Variants in CRACR2B observed in about 807,000 individuals in gnomAD.
CRACR2B encodes the protein EF-hand calcium-binding domain-containing protein 4A.
Under a neutral mutation model 46.0 loss-of-function variants are expected in CRACR2B, and 50 were observed. The observed-to-expected ratio is 1.09, with a 90% CI of 0.87 to 1.38. The LOEUF (loss-of-function observed/expected upper bound fraction) is 1.38, where lower values mean the gene tolerates loss of function less well. Ranked by LOEUF, CRACR2B falls within the 40% of genes most tolerant of loss-of-function variation. The pLI is 0.00. For missense variants in CRACR2B, 667 were observed against 535.0 expected (o/e 1.25, Z -2.43); for synonymous variants, 277 against 239.6 (o/e 1.16, Z -1.44).
In CRACR2B at chr11:828,534, TC is replaced by T. The variant is rs1488252465; in HGVS notation, c.-70del. On this transcript the variant is annotated 5_prime_UTR_variant, in exon 1 of 9. Transcript: ENST00000525077. ...TCAGACACACTTGCACCCCATCCGCTCCCCTCCTGAATTTCTTCTGACCCTC... is the reference window on the plus strand; with the variant it reads ...TCAGACACACTTGCACCCCATCCGCTCCCTCCTGAATTTCTTCTGACCCTC... 1 of 1,475,508 alleles carries T rather than the reference TC, an allele frequency of 6.8e-7. No individual in the cohort carries two copies. Among genetic ancestry groups the T allele is most frequent in the Non-Finnish European group, 8.9e-7 (1 of 1,118,864 alleles). 91.4% of individuals were successfully genotyped at this position (1,475,508 alleles called of 1,614,324 possible).
At position 831,962 on chromosome 11, in the gene CRACR2B, C is replaced by A. The variant is rs1049955164; in HGVS notation, c.*253C>A. Reference sequence around the variant, plus strand: ...ATCTCAGTTCAGCAGAAAACCCCCTCGTCAAATAAAACCCACTGACTGCAC... The same window carrying A: ...ATCTCAGTTCAGCAGAAAACCCCCTAGTCAAATAAAACCCACTGACTGCAC... On this transcript the variant is annotated 3_prime_UTR_variant, in exon 9 of 9. Coordinates refer to ENST00000525077, the MANE Select transcript of CRACR2B (RefSeq NM_001286606.2). 44 of 493,742 alleles carry A rather than the reference C, an allele frequency of 8.9e-5. No individual in the cohort carries two copies. Among genetic ancestry groups the A allele is most frequent in the Non-Finnish European group, 1.2e-4 (33 of 284,202 alleles). The allele number at this position is 493,742 out of a possible 1,614,324, so 30.6% of individuals were successfully genotyped here.
Position 828,532 on chromosome 11 carries a change from G to T in CRACR2B, c.-76G>T. 6.8e-7 allele frequency: 1 copy of T among 1,465,572 alleles called. No homozygotes were observed. 90.8% of individuals were successfully genotyped at this position (1,465,572 alleles called of 1,614,324 possible). A position where few individuals can be genotyped will look rare whatever the true frequency, so the allele number is the denominator to read the frequency against. On this transcript the variant is annotated 5_prime_UTR_variant, in exon 1 of 9. Coordinates refer to ENST00000525077, the MANE Select transcript of CRACR2B (RefSeq NM_001286606.2). Reference sequence around the variant, plus strand: ...CTTCAGACACACTTGCACCCCATCCGCTCCCCTCCTGAATTTCTTCTGACC... The same window carrying T: ...CTTCAGACACACTTGCACCCCATCCTCTCCCCTCCTGAATTTCTTCTGACC...
chr11:828,846 G>T lies in CRACR2B; in HGVS notation c.166-6G>T, dbSNP rs371173369. 2.5e-6 allele frequency: 4 copies of T among 1,610,890 alleles called. No homozygotes were observed. The South Asian group carries it at 4.4e-5, about 18-fold the overall frequency. ...CGGCTCATCTCTGCTCTCCTTCCCC[G>T]ACCAGGGTCTCCAGAGCGACCTGCC... On this transcript the variant is annotated splice_region_variant and splice_polypyrimidine_tract_variant and intron_variant, in intron 1 of 8. Transcript: ENST00000525077.
At chr11:830,541 C>T (rs1454761079) in intron 5 of CRACR2B, 80 bp from the exon 6 acceptor site, 2 of 1,545,498 alleles carry the variant, frequency 1.3e-6, no homozygotes, top group Admixed American at 3.9e-5. Flanking sequence ...CGGGCCCACT[C>T]CCAGCCCCTG....
At chr11:831,397 T>C in intron 8 of CRACR2B, 102 bp downstream of exon 8, 1 of 1,493,836 alleles carries the variant, frequency 6.7e-7, no homozygotes. Context: ...TTGGAAGTCC[T>C]TCCTTATGCC....
At chr11:829,699 T>A in intron 3 of CRACR2B, 159 bp downstream of exon 3, 2 of 1,050,132 alleles carry the variant, frequency 1.9e-6, no homozygotes, top group Non-Finnish European at 1.3e-6. Flanking sequence ...GGACCCGGCA[T>A]GATTTCCCGC....
Position 830,679 on chromosome 11 carries a change from A to G in CRACR2B, c.752A>G (p.Gln251Arg). ...RLELELQSREQDLERAGLRQR... is the reference protein window; with the variant it reads ...RLELELQSRERDLERAGLRQR... ...GAGCTGGAGCTGCAGAGCCGCGAGC[A>G]GGACCTGGAACGCGCGGGCCTGCGG... Residue 251 changes from glutamine to arginine, a missense_variant, in exon 6 of 9, where the codon CAG becomes CGG. Gln to Arg is a conservative substitution (Grantham distance 43). Transcript: ENST00000525077. 4 of 1,544,458 alleles carry G rather than the reference A, an allele frequency of 2.6e-6. No homozygotes were observed. Among genetic ancestry groups the G allele is most frequent in the Middle Eastern group, 2.1e-4 (1 of 4,808 alleles).
chr11:830,213 G>A (rs1846284827), intron 4 of CRACR2B, 37 bp from the exon 5 acceptor site: 2 of 1,495,656 alleles, frequency 1.3e-6, no homozygotes, highest in Non-Finnish European at 8.9e-7. Flanking sequence ...CTGTAGCGCT[G>A]GCAAGTTCTC....
chr11:829,289 G>A, intron 2 of CRACR2B, 71 bp from the exon 3 acceptor site: 1 of 1,526,088 alleles, frequency 6.6e-7, no homozygotes, highest in Non-Finnish European at 8.8e-7. Context: ...GATACTCGTT[G>A]GGAGGGTGAA....
At position 830,099 on chromosome 11, in the gene CRACR2B, G is replaced by A. The variant is rs1446513193; in HGVS notation, c.572G>A (p.Arg191Gln). Residue 191 changes from arginine to glutamine, a missense_variant, in exon 4 of 9, where the codon CGG (arginine) becomes CAG (glutamine). By Grantham distance (43) the Arg-to-Gln change is conservative. Coordinates refer to ENST00000525077, the MANE Select transcript of CRACR2B (RefSeq NM_001286606.2). ...RASACLEEAARERDGLEQALR... is the reference protein window; with the variant it reads ...RASACLEEAAQERDGLEQALR... Reference sequence around the variant, plus strand: ...TCGGCCTGCCTGGAGGAGGCGGCCCGGGAGCGCGACGGCCTGGAGCAGGCG... The same window carrying A: ...TCGGCCTGCCTGGAGGAGGCGGCCCAGGAGCGCGACGGCCTGGAGCAGGCG... 6.5e-6 allele frequency: 10 copies of A among 1,541,364 alleles called. No homozygotes were observed. The highest frequency in any genetic ancestry group is 4.8e-5 in the East Asian group (2 of 41,454).
intron 5 of CRACR2B, 89 bp from the exon 6 acceptor site, chr11:830,532 G>C: frequency 6.5e-7 from 1 of 1,543,980 alleles, no homozygotes; most frequent in Middle Eastern, 1.7e-4. Context: ...CGCTCCGCCC[G>C]GGCCCACTCC....
rs1366620513 is a variant in CRACR2B at position 831,736 on chromosome 11, G to A, written c.*27G>A. The A allele has an allele frequency of 6.8e-7, 1 of 1,480,660 alleles. No homozygotes were observed. The highest frequency in any genetic ancestry group is 1.3e-5 in the South Asian group (1 of 77,376). 91.7% of individuals were successfully genotyped at this position (1,480,660 alleles called of 1,614,324 possible). ...CAGCCCCGAGTGACTCACGGACCAT[G>A]AGCTAGAAGCTGCCCTTGCAGGAGG... On this transcript the variant is annotated 3_prime_UTR_variant, in exon 9 of 9. Coordinates refer to ENST00000525077, the MANE Select transcript of CRACR2B (RefSeq NM_001286606.2).
chr11:831,068 T>A (rs1373692108), intron 7 of CRACR2B, 36 bp downstream of exon 7: 2 of 1,537,568 alleles, frequency 1.3e-6, no homozygotes, highest in Admixed American at 3.9e-5. Context: ...CCCCGGTGCG[T>A]GTCCCGGGGG....
chr11:829,058 C>CTCG, intron 2 of CRACR2B, 95 bp downstream of exon 2: 1 of 1,482,136 alleles, frequency 6.7e-7, no homozygotes, highest in South Asian at 1.1e-5. Flanking sequence ...GCCGGTGCCT[C>CTCG]TCGTCCTCCT....
At position 829,467 on chromosome 11, in the gene CRACR2B, G is replaced by C. The variant is rs755351535; in HGVS notation, c.385G>C (p.Asp129His). ...LDVQGTAGSL[D>H]EEEEEEERFH... ...CGTGCAGGGCACGGCGGGCTCTCTGGATGAGGAGGAGGAAGAGGAGGAGCG... is the reference window on the plus strand; with the variant it reads ...CGTGCAGGGCACGGCGGGCTCTCTGCATGAGGAGGAGGAAGAGGAGGAGCG... Residue 129 changes from aspartate to histidine, a missense_variant, in exon 3 of 9, where the codon GAT (aspartate) becomes CAT (histidine). Physicochemically the swap from Asp to His is moderately conservative, Grantham distance 81 (BLOSUM62 -1). Transcript: ENST00000525077. 4 of 1,609,456 alleles carry C rather than the reference G, an allele frequency of 2.5e-6. No individual in the cohort carries two copies. Among genetic ancestry groups the C allele is most frequent in the Non-Finnish European group, 3.4e-6 (4 of 1,178,718 alleles).
Position 831,741 on chromosome 11 carries a change from A to T in CRACR2B, c.*32A>T. 1 of 1,471,998 alleles carries T rather than the reference A, an allele frequency of 6.8e-7. No homozygotes were observed. The highest frequency in any genetic ancestry group is 1.3e-5 in the South Asian group (1 of 76,334). The allele number at this position is 1,471,998 out of a possible 1,614,324, so 91.2% of individuals were successfully genotyped here. A position where few individuals can be genotyped will look rare whatever the true frequency, so the allele number is the denominator to read the frequency against. The stretch of plus-strand genomic sequence containing the variant: ...CCGAGTGACTCACGGACCATGAGCT[A>T]GAAGCTGCCCTTGCAGGAGGCTTGT... On this transcript the variant is annotated 3_prime_UTR_variant, in exon 9 of 9. Coordinates refer to ENST00000525077, the MANE Select transcript of CRACR2B (RefSeq NM_001286606.2).
At chr11:831,425 G>C in intron 8 of CRACR2B, 110 bp from the exon 9 acceptor site, 1 of 1,477,448 alleles carries the variant, frequency 6.8e-7, no homozygotes, top group East Asian at 2.4e-5. Context: ...CACCCCTCAC[G>C]CTGCAGCCTC....
At chr11:829,023 T>C (rs771765657) in intron 2 of CRACR2B, 60 bp downstream of exon 2, 1 of 1,582,158 alleles carries the variant, frequency 6.3e-7, no homozygotes, top group Admixed American at 1.7e-5. Flanking sequence ...TCAGGAGGCC[T>C]GGCACTTGTG....
chr11:828,617 C>A lies in CRACR2B; in HGVS notation c.10C>A (p.Pro4Thr). The change falls in exon 1 of 9, where the codon CCT becomes ACT. Residue 4 changes from proline (P) to threonine (T), a missense_variant. By Grantham distance (38) the Pro-to-Thr change is conservative. Coordinates refer to ENST00000525077, the MANE Select transcript of CRACR2B (RefSeq NM_001286606.2). The part of the protein sequence containing the change: MAS[P>T]GKPGADEAQE... Reference sequence around the variant, plus strand: ...GAGGCCCCCTGCTCTCATGGCCAGCCCTGGAAAGCCTGGGGCTGATGAGGC... The same window carrying A: ...GAGGCCCCCTGCTCTCATGGCCAGCACTGGAAAGCCTGGGGCTGATGAGGC... 6.3e-7 allele frequency: 1 copy of A among 1,594,770 alleles called. No individual in the cohort carries two copies. The highest frequency in any genetic ancestry group is 8.5e-7 in the Non-Finnish European group (1 of 1,175,128).
Sources: allele counts gnomAD v4.1 joint callset, GRCh38; gene constraint gnomAD v4.1.1; transcripts MANE v1.5; gene names NCBI Gene and HGNC (gene_info 2026-07-23, HGNC 2026-07-21).